SGCD: variants seen among roughly 807,000 people sequenced by gnomAD.
SGCD encodes the protein delta-sarcoglycan.
SGCD carries 18 observed loss-of-function variants against 36.6 expected under a neutral mutation model. The observed-to-expected ratio is 0.49, with a 90% CI of 0.34 to 0.73. SGCD has a LOEUF of 0.73. Among genes scored for constraint, SGCD ranks in the 30% least tolerant of loss-of-function variants. The pLI is 0.01. For missense variants in SGCD, 387 were observed against 346.7 expected (o/e 1.12, Z -0.92); for synonymous variants, 133 against 130.6 (o/e 1.02, Z -0.12).
the SGCD span, among the ~76,000 whole-genome samples, chr5:155,742,750 A>C: frequency 5.9e-5 from 9 of 152,138 alleles, no homozygotes; most frequent in African/African-American, 2.2e-4. Context: ...AGATCCCACA[A>C]GTTAAGGGCT....
At chr5:155,910,112 G>A in intron 1 of SGCD, among the ~76,000 whole-genome samples, 1 of 151,970 alleles carries the variant, frequency 6.6e-6, no homozygotes, top group African/African-American at 2.4e-5. Context: ...AGGTACAGAG[G>A]TGCATAGTTG....
chr5:155,744,682 G>T, the SGCD span, among the ~76,000 whole-genome samples: 1 of 152,148 alleles, frequency 6.6e-6, no homozygotes, highest in Non-Finnish European at 1.5e-5. Context: ...TAAACAGGAA[G>T]ACATTACCCC....
intron 6 of SGCD, among the ~76,000 whole-genome samples, chr5:156,607,675 C>T (rs972149254): frequency 1.4e-5 from 2 of 146,580 alleles, no homozygotes; most frequent in African/African-American, 2.6e-5. Context: ...CCATCTGGTC[C>T]TGGACTTCTT....
intron 3 of SGCD, among the ~76,000 whole-genome samples, chr5:156,321,077 C>G (rs1767650967): frequency 6.6e-6 from 1 of 152,040 alleles, no homozygotes; most frequent in Non-Finnish European, 1.5e-5. Flanking sequence ...TATCCTTTGC[C>G]TAAATATTGC....
chr5:156,651,322 AT>A (rs1416094913), intron 7 of SGCD, among the ~76,000 whole-genome samples: 1 of 151,884 alleles, frequency 6.6e-6, no homozygotes, highest in African/African-American at 2.4e-5. Context: ...CCTCTTGTCA[AT>A]TTTGGTTTTG....
intron 7 of SGCD, among the ~76,000 whole-genome samples, chr5:156,735,183 G>A (rs1756287651): frequency 6.6e-6 from 1 of 152,176 alleles, no homozygotes; most frequent in South Asian, 2.1e-4. Context: ...TTCTCTGGGA[G>A]CTCCATCCCA....
intron 7 of SGCD, among the ~76,000 whole-genome samples, chr5:156,683,722 A>G (rs557085363): frequency 2.1e-4 from 32 of 152,348 alleles, no homozygotes; most frequent in African/African-American, 7.0e-4. Flanking sequence ...CTTTGTCACT[A>G]CACAGTCACG....
upstream of SGCD, among the ~76,000 whole-genome samples, chr5:156,324,516 G>T (rs1432533961): frequency 6.6e-6 from 1 of 151,982 alleles, no homozygotes; most frequent in Middle Eastern, 3.2e-3. Context: ...GAAGAATTAA[G>T]TATGTTTTCA....
chr5:156,373,069 G>T (rs1463019918), intron 3 of SGCD, among the ~76,000 whole-genome samples: 4 of 152,016 alleles, frequency 2.6e-5, no homozygotes, highest in Non-Finnish European at 5.9e-5. Flanking sequence ...ATCATCAGAG[G>T]TATTTGGTGT....
intron 1 of SGCD, among the ~76,000 whole-genome samples, chr5:155,929,969 C>T (rs1366486138): frequency 1.3e-5 from 2 of 152,166 alleles, no homozygotes; most frequent in Non-Finnish European, 2.9e-5. Context: ...GCTCAAATGT[C>T]TCCTCAATGC....
intron 7 of SGCD, among the ~76,000 whole-genome samples, chr5:156,675,533 C>T (rs1362770497): frequency 6.6e-6 from 1 of 152,118 alleles, no homozygotes; most frequent in Non-Finnish European, 1.5e-5. Flanking sequence ...GAACTTTAAC[C>T]CTGCTTGTGA....
intron 7 of SGCD, among the ~76,000 whole-genome samples, chr5:156,688,592 G>T (rs374708948): frequency 4.7e-4 from 71 of 152,290 alleles, no homozygotes; most frequent in African/African-American, 1.3e-3. Flanking sequence ...GCTTCAGAAG[G>T]CTCGCAGGTA....
intron 3 of SGCD, among the ~76,000 whole-genome samples, chr5:156,231,667 G>C (rs1418633168): frequency 6.6e-6 from 1 of 152,188 alleles, no homozygotes; most frequent in Non-Finnish European, 1.5e-5. Context: ...TTTGGACTAA[G>C]AATTAGAAAG....
intron 3 of SGCD, among the ~76,000 whole-genome samples, chr5:156,363,206 A>C (rs781353029): frequency 7.2e-5 from 11 of 152,210 alleles, no homozygotes; most frequent in Admixed American, 1.3e-4. Context: ...TTCCGTGTAA[A>C]CAATAACCTC....
At chr5:156,610,523 C>T (rs1761743378) in intron 6 of SGCD, among the ~76,000 whole-genome samples, 1 of 152,244 alleles carries the variant, frequency 6.6e-6, no homozygotes, top group Admixed American at 6.5e-5. Flanking sequence ...TGTCCGTTCT[C>T]AGATCTCCAG....
rs1581543096 is a variant in SGCD at position 156,760,271 on chromosome 5, T to A, written c.*881T>A. On this transcript the variant is annotated 3_prime_UTR_variant, in exon 9 of 9. Transcript: ENST00000337851. ...TTAAAAGCTGTTCTGTTCTCACTTC[T>A]GACTTTAACCAAAAGATTTCAACCC... The A allele has an allele frequency of 6.6e-6, 1 of 152,222 alleles. No individual in the cohort carries two copies. The highest frequency in any genetic ancestry group is 2.1e-4 in the South Asian group (1 of 4,826). 9.4% of individuals were successfully genotyped at this position (152,222 alleles called of 1,614,324 possible). A position where few individuals can be genotyped will look rare whatever the true frequency, so the allele number is the denominator to read the frequency against.
At chr5:155,944,271 G>T (rs992564258) in intron 1 of SGCD, among the ~76,000 whole-genome samples, 2 of 152,152 alleles carry the variant, frequency 1.3e-5, no homozygotes, top group African/African-American at 2.4e-5. Context: ...AAATTATAGG[G>T]TTTTGTATGG....
chr5:156,738,339 G>A (rs1756483361), intron 7 of SGCD, among the ~76,000 whole-genome samples: 1 of 152,136 alleles, frequency 6.6e-6, no homozygotes, highest in Non-Finnish European at 1.5e-5. Flanking sequence ...GATGTTTGTA[G>A]TTTCATATGC....
chr5:156,291,628 T>G (rs950788023), intron 3 of SGCD, among the ~76,000 whole-genome samples: 1 of 148,578 alleles, frequency 6.7e-6, no homozygotes, highest in African/African-American at 2.4e-5. Flanking sequence ...TATCTTAACC[T>G]TTTTTTTCCT....
Sources: allele counts gnomAD v4.1 joint callset (sites outside exome capture counted in the v4.1 genomes callset), GRCh38; gene constraint gnomAD v4.1.1; transcripts MANE v1.5; gene names NCBI Gene and HGNC (gene_info 2026-07-23, HGNC 2026-07-21).